MGAT3: variants seen among roughly 807,000 people sequenced by gnomAD.
MGAT3 encodes beta-1,4-mannosyl-glycoprotein 4-beta-N-acetylglucosaminyltransferase, also known as GlcNAc-T III.
MGAT3 carries 9 observed loss-of-function variants against 29.8 expected under a neutral mutation model. That is an observed-to-expected ratio of 0.30 (90% CI 0.18 to 0.53). MGAT3 has a LOEUF of 0.53. MGAT3 is among the 20% of genes least tolerant of loss of function. MGAT3 has a pLI of 0.96. For missense variants in MGAT3, 557 were observed against 769.5 expected (o/e 0.72, Z 3.27); for synonymous variants, 397 against 348.9 (o/e 1.14, Z -1.54).
intron 1 of MGAT3, among the ~76,000 whole-genome samples, chr22:39,475,561 C>G (rs181440940): frequency 6.6e-6 from 1 of 152,186 alleles, no homozygotes; most frequent in South Asian, 2.1e-4. Context: ...TCAGCCAAGA[C>G]CTTGGCATCA....
intron 1 of MGAT3, among the ~76,000 whole-genome samples, chr22:39,474,453 C>A (rs543820449): frequency 6.6e-6 from 1 of 152,174 alleles, no homozygotes; most frequent in Admixed American, 6.5e-5. Flanking sequence ...CTGTCACTTG[C>A]CAGCTGCGAG....
In MGAT3 at chr22:39,489,808, A is replaced by G. The variant is rs930657059; in HGVS notation, c.*859A>G. 3 of 167,450 alleles carry G rather than the reference A, an allele frequency of 1.8e-5. No homozygotes were observed. The highest frequency in any genetic ancestry group is 7.2e-5 in the African/African-American group (3 of 41,456). The allele number at this position is 167,450 out of a possible 1,614,324, so 10.4% of individuals were successfully genotyped here. ...GGGGGAAGTGGGGAGGAGAAGACTG[A>G]CATGAGTCCTCTGCACGGATCCGTC... On this transcript the variant is annotated 3_prime_UTR_variant, in exon 2 of 2. Transcript: ENST00000341184.
At chr22:39,470,565 T>TGCG (rs1377795399) in intron 1 of MGAT3, among the ~76,000 whole-genome samples, 1 of 152,108 alleles carries the variant, frequency 6.6e-6, no homozygotes, top group Non-Finnish European at 1.5e-5. Context: ...ATGGGGAATT[T>TGCG]GCGGTGACTC....
chr22:39,486,098 A>T (rs1006865158), intron 1 of MGAT3: 6 of 402,484 alleles, frequency 1.5e-5, no homozygotes, highest in African/African-American at 1.3e-4. Context: ...AAAAATATTA[A>T]ATCAAGAATA....
chr22:39,488,598 G>C lies in MGAT3; in HGVS notation c.1251G>C (p.Trp417Cys). 1.2e-6 allele frequency: 2 copies of C among 1,613,226 alleles called. No homozygotes were observed. The highest frequency in any genetic ancestry group is 1.7e-6 in the Non-Finnish European group (2 of 1,180,008). The change falls in exon 2 of 2, where the codon TGG (tryptophan) becomes TGC (cysteine). Residue 417 changes from tryptophan (W) to cysteine (C), a missense_variant. Physicochemically the swap from Trp to Cys is radical, Grantham distance 215. This residue lies in a region of MGAT3 where 243 missense variants were observed against 444.0 expected (regional missense o/e 0.55). Transcript: ENST00000341184. ...SLGSPLHFAG[W>C]HCSWCFTPEG... ...GCAGCCCCCTGCACTTCGCCGGCTGGCACTGCTCCTGGTGCTTCACGCCCG... is the reference window on the plus strand; with the variant it reads ...GCAGCCCCCTGCACTTCGCCGGCTGCCACTGCTCCTGGTGCTTCACGCCCG...
intron 1 of MGAT3, among the ~76,000 whole-genome samples, chr22:39,470,677 A>G (rs1272212479): frequency 6.6e-6 from 1 of 152,156 alleles, no homozygotes; most frequent in Non-Finnish European, 1.5e-5. Flanking sequence ...CGGGGCCTGC[A>G]GGCTTTCCTG....
At chr22:39,464,412 G>A (rs764918438) in intron 1 of MGAT3, among the ~76,000 whole-genome samples, 2 of 152,310 alleles carry the variant, frequency 1.3e-5, no homozygotes, top group Non-Finnish European at 2.9e-5. Flanking sequence ...TCTGTGCCTG[G>A]CACGTAGAAG....
At chr22:39,480,357 T>C (rs1480240548) in intron 1 of MGAT3, among the ~76,000 whole-genome samples, 3 of 152,218 alleles carry the variant, frequency 2.0e-5, no homozygotes, top group Non-Finnish European at 4.4e-5. Context: ...GGGAAGGCCC[T>C]AAGCCCTCGC....
At position 39,487,861 on chromosome 22, in the gene MGAT3, G is replaced by T. The variant is rs746182728; in HGVS notation, c.514G>T (p.Val172Leu). Residue 172 changes from valine to leucine, a missense_variant, in exon 2 of 2, where the codon GTG (valine) becomes TTG (leucine). By Grantham distance (32) the Val-to-Leu change is conservative (BLOSUM62 1). Around this residue, in one of 3 missense-constraint regions of MGAT3, gnomAD observed 243 missense variants for 444.0 expected, o/e 0.55. Coordinates refer to ENST00000341184, the MANE Select transcript of MGAT3 (RefSeq NM_002409.5). The surrounding 1 kb of genome is among the most constrained non-coding windows in gnomAD (Gnocchi z 5.7). ...CGCCCGGCGCAAGTGGGTGGAGTGC[G>T]TGTGCCTGCCCGGCTGGCACGGACC... ...RGARRKWVEC[V>L]CLPGWHGPSC... The T allele has an allele frequency of 1.3e-6, 2 of 1,551,844 alleles. No individual in the cohort carries two copies. The highest frequency in any genetic ancestry group is 1.7e-6 in the Non-Finnish European group (2 of 1,150,804).
chr22:39,491,812 C>A lies in MGAT3; in HGVS notation c.*2863C>A. On this transcript the variant is annotated 3_prime_UTR_variant, in exon 2 of 2. Coordinates refer to ENST00000341184, the MANE Select transcript of MGAT3 (RefSeq NM_002409.5). This position sits in a 1 kb window ranked among gnomAD's most constrained non-coding sequence, Gnocchi z 5.5. ...GACCACCGGCACACTGCTGCCATGT[C>A]CCATGTCCACCTTTCTCCCCGGGAA... 6.0e-6 allele frequency: 1 copy of A among 167,250 alleles called. No homozygotes were observed. The allele number at this position is 167,250 out of a possible 1,614,324, so 10.4% of individuals were successfully genotyped here.
Position 39,488,880 on chromosome 22 carries a change from C to G in MGAT3, c.1533C>G (p.Gly511=), listed in dbSNP as rs766239135. The G allele has an allele frequency of 6.3e-7, 1 of 1,598,312 alleles. No homozygotes were observed. The highest frequency in any genetic ancestry group is 8.5e-7 in the Non-Finnish European group (1 of 1,173,162). ...AGGAGCCCAGGAGCACGGCGGCGGGCGGGTGGCGCCACAGGGGTCCCGAGG... is the reference window on the plus strand; with the variant it reads ...AGGAGCCCAGGAGCACGGCGGCGGGGGGGTGGCGCCACAGGGGTCCCGAGG... ...PYQEPRSTAA[G]GWRHRGPEGR... Residue 511 remains glycine, a synonymous_variant, in exon 2 of 2, where the codon GGC becomes GGG. Transcript: ENST00000341184.
chr22:39,481,524 G>A (rs926653560), intron 1 of MGAT3, among the ~76,000 whole-genome samples: 5 of 152,206 alleles, frequency 3.3e-5, no homozygotes, highest in Admixed American at 1.3e-4. Flanking sequence ...CCTGGCACAC[G>A]GGGCTCTGGC....
chr22:39,475,174 C>G (rs894289165), intron 1 of MGAT3, among the ~76,000 whole-genome samples: 9 of 135,808 alleles, frequency 6.6e-5, no homozygotes, highest in African/African-American at 2.6e-4. Context: ...TTCCTTCCAA[C>G]AAAATCTTGC....
chr22:39,467,809 CAA>C (rs34945926), intron 1 of MGAT3, among the ~76,000 whole-genome samples: 11 of 61,106 alleles, frequency 1.8e-4, no homozygotes, highest in African/African-American at 2.5e-4. Context: ...GGCTCAGTCT[CAA>C]AAAAAAAAAA....
Position 39,474,970 on chromosome 22 carries a change from G to A in MGAT3, c.-1-12377G>A, listed in dbSNP as rs76018566. Among the ~76,000 whole-genome samples the A allele has an allele frequency of 2.8e-3, 429 of 152,150 alleles. 2 individuals are homozygous for A. Among genetic ancestry groups the A allele is most frequent in the African/African-American group, 0.01 (417 of 41,504 alleles). ...TGCCTGGACTGGGGACTGAGGATCC[G>A]AGATGGAAAAGCCCCAGCCCAGCGC... On this transcript the variant is annotated intron_variant, in intron 1 of 1. Coordinates refer to ENST00000341184, the MANE Select transcript of MGAT3 (RefSeq NM_002409.5).
intron 1 of MGAT3, among the ~76,000 whole-genome samples, chr22:39,471,343 G>A (rs1016258250): frequency 2.0e-5 from 3 of 152,188 alleles, no homozygotes; most frequent in African/African-American, 4.8e-5. Flanking sequence ...AGTGGGTCCC[G>A]TAAGCACGGA....
intron 1 of MGAT3, among the ~76,000 whole-genome samples, chr22:39,469,186 C>T (rs754933615): frequency 6.0e-5 from 9 of 149,442 alleles, no homozygotes; most frequent in Non-Finnish European, 8.9e-5. Context: ...GGCAGTGGGA[C>T]GGACAAGCCT....
chr22:39,459,073 T>C (rs1601715556), intron 1 of MGAT3, among the ~76,000 whole-genome samples: 1 of 3,310 alleles, frequency 3.0e-4, no homozygotes, highest in African/African-American at 4.0e-4. Flanking sequence ...TTTTCTTTTC[T>C]TTTTTTTTTT....
chr22:39,458,786 C>G (rs1029099639), intron 1 of MGAT3, among the ~76,000 whole-genome samples: 1 of 152,098 alleles, frequency 6.6e-6, no homozygotes, highest in African/African-American at 2.4e-5. Context: ...GTGTGAGTGT[C>G]TGGCGTGTGT....
Sources: allele counts gnomAD v4.1 joint callset (sites outside exome capture counted in the v4.1 genomes callset), GRCh38; gene constraint gnomAD v4.1.1; regional missense constraint gnomAD v4.1.1; non-coding constraint Gnocchi (gnomAD v3.1); transcripts MANE v1.5; gene names NCBI Gene and HGNC (gene_info 2026-07-23, HGNC 2026-07-21).